The following PRKN variants were observed in gnomAD, a reference collection of about 807,000 sequenced individuals.
PRKN encodes the protein parkin RBR E3 ubiquitin protein ligase.
A neutral mutation model predicts 59.5 loss-of-function variants in PRKN; 56 were observed. That is an observed-to-expected ratio of 0.94 (90% CI 0.76 to 1.18). The LOEUF (loss-of-function observed/expected upper bound fraction) is 1.18, where lower values mean the gene tolerates loss of function less well. PRKN is among the 50% of genes most tolerant of loss of function. The pLI is 0.00. For synonymous variants in PRKN, 250 were observed against 222.1 expected, an observed-to-expected ratio of 1.13 and a Z score of -1.12; for missense variants, 657 against 596.4, an observed-to-expected ratio of 1.10 and a Z score of -1.06.
chr6:162,420,224 G>A lies in PRKN; in HGVS notation c.171+23086C>T, dbSNP rs117763490. On this transcript the variant is annotated intron_variant, in intron 2 of 11. Coordinates refer to ENST00000366898, the MANE Select transcript of PRKN (RefSeq NM_004562.3). ...CAGGCATTAGATTCTCATAAGGAGCGTGCAACCTAGATTCTTCACATGTAC... is the reference window on the plus strand; with the variant it reads ...CAGGCATTAGATTCTCATAAGGAGCATGCAACCTAGATTCTTCACATGTAC... Among the ~76,000 whole-genome samples, 1,411 of 147,564 alleles carry A rather than the reference G, an allele frequency of 9.6e-3. 15 individuals carry two copies. The highest frequency in any genetic ancestry group is 0.021 in the South Asian group (95 of 4,440).
chr6:162,087,592 T>TTC (rs1554269118), intron 4 of PRKN, among the ~76,000 whole-genome samples: 3 of 141,972 alleles, frequency 2.1e-5, no homozygotes, highest in Non-Finnish European at 4.6e-5. Context: ...ATAATTTCTT[T>TTC]TTTTTTTTTT....
intron 7 of PRKN, among the ~76,000 whole-genome samples, chr6:161,745,509 C>T (rs951552895): frequency 6.6e-6 from 1 of 152,188 alleles, no homozygotes; most frequent in Non-Finnish European, 1.5e-5. Flanking sequence ...GCCACACCTG[C>T]GACCAGGGGC....
chr6:162,664,343 G>C lies in PRKN; in HGVS notation c.7+63319C>G, dbSNP rs140425305. The stretch of plus-strand genomic sequence containing the variant: ...TGTCTTTGCTATTGTGAACAGTGCC[G>C]CAATAAACATACGTGTACATATGTC... On this transcript the variant is annotated intron_variant, in intron 1 of 11. Transcript: ENST00000366898. Among the ~76,000 whole-genome samples, 3 of 152,246 alleles carry C rather than the reference G, an allele frequency of 2.0e-5. No homozygotes were observed. In the East Asian group the frequency reaches 5.8e-4, roughly 29 times the overall value.
At chr6:161,884,461 C>G (rs1332094511) in intron 6 of PRKN, among the ~76,000 whole-genome samples, 1 of 152,176 alleles carries the variant, frequency 6.6e-6, no homozygotes, top group Non-Finnish European at 1.5e-5. Flanking sequence ...AAATCCAACT[C>G]TTATGTATTT....
rs1786614769 is a variant in PRKN, at chr6:161,393,644, T to C, written c.1084-6767A>G. On this transcript the variant is annotated intron_variant, in intron 9 of 11. Coordinates refer to ENST00000366898, the MANE Select transcript of PRKN (RefSeq NM_004562.3). The surrounding 1 kb of genome is among the most constrained non-coding windows in gnomAD (Gnocchi z 4.7). ...CATGAAAAGGAAGCAAATGAACAGC[T>C]TCTAATGCAATCGGAATATTCCAGT... Among the ~76,000 whole-genome samples the C allele has an allele frequency of 6.6e-6, 1 of 152,146 alleles. No individual in the cohort carries two copies. The highest frequency in any genetic ancestry group is 1.5e-5 in the Non-Finnish European group (1 of 68,022).
intron 2 of PRKN, among the ~76,000 whole-genome samples, chr6:162,372,564 G>A (rs1785825114): frequency 6.6e-6 from 1 of 152,056 alleles, no homozygotes; most frequent in Admixed American, 6.6e-5. Context: ...ACTAGAGAGG[G>A]GAGTGAGGGA....
At chr6:161,680,285 G>A (rs1466809577) in intron 7 of PRKN, among the ~76,000 whole-genome samples, 1 of 152,136 alleles carries the variant, frequency 6.6e-6, no homozygotes, top group Non-Finnish European at 1.5e-5. Flanking sequence ...TAAATCTGCA[G>A]AACAATTCTA....
intron 2 of PRKN, among the ~76,000 whole-genome samples, chr6:162,409,640 G>A (rs556471416): frequency 6.6e-6 from 1 of 152,224 alleles, no homozygotes; most frequent in East Asian, 1.9e-4. Flanking sequence ...ATTTTATCAA[G>A]CATATAATTT....
At chr6:162,289,654 T>G (rs1305393739) in intron 2 of PRKN, among the ~76,000 whole-genome samples, 2 of 150,088 alleles carry the variant, frequency 1.3e-5, no homozygotes, top group Non-Finnish European at 3.0e-5. Flanking sequence ...CCGAGATAAC[T>G]CTAGCCTCAG....
At chr6:162,419,401 C>A (rs771082926) in intron 2 of PRKN, among the ~76,000 whole-genome samples, 1 of 152,106 alleles carries the variant, frequency 6.6e-6, no homozygotes, top group Non-Finnish European at 1.5e-5. Flanking sequence ...CTTAAGAAGA[C>A]GTTTACATGC....
chr6:161,659,995 A>T (rs2128165096), intron 7 of PRKN, among the ~76,000 whole-genome samples: 1 of 152,304 alleles, frequency 6.6e-6, no homozygotes, highest in South Asian at 2.1e-4. Context: ...TGCTGCAACA[A>T]TTAAATGAGA....
At position 161,461,762 on chromosome 6, in the gene PRKN, T is replaced by C. The variant is rs1255255227; in HGVS notation, c.1084-74885A>G. 1.3e-5 allele frequency among the ~76,000 whole-genome samples: 2 copies of C among 152,132 alleles called. No homozygotes were observed. Among genetic ancestry groups the C allele is most frequent in the Non-Finnish European group, 2.9e-5 (2 of 68,028 alleles). ...ATTGACATTTTACATTTGAAATGCT[T>C]ATGAAAATTCCAAATGGAGGTATCC... On this transcript the variant is annotated intron_variant, in intron 9 of 11. Transcript: ENST00000366898. This position sits in a 1 kb window ranked among gnomAD's most constrained non-coding sequence, Gnocchi z 5.1.
chr6:162,252,713 C>T (rs1779485759), intron 3 of PRKN, among the ~76,000 whole-genome samples: 1 of 152,228 alleles, frequency 6.6e-6, no homozygotes, highest in South Asian at 2.1e-4. Flanking sequence ...GTGCCTTGTT[C>T]TTTCACTTCC....
chr6:161,489,401 A>T (rs960010747), intron 9 of PRKN, among the ~76,000 whole-genome samples: 1 of 152,070 alleles, frequency 6.6e-6, no homozygotes, highest in Non-Finnish European at 1.5e-5. Context: ...CTCTACTAAA[A>T]ATACAAAAAT....
At chr6:162,501,428 G>C (rs1221048210) in intron 1 of PRKN, among the ~76,000 whole-genome samples, 1 of 149,990 alleles carries the variant, frequency 6.7e-6, no homozygotes, top group Non-Finnish European at 1.5e-5. Flanking sequence ...GCTCACTGCA[G>C]CCTCCACCTC....
chr6:161,542,772 T>A (rs1280266866), intron 9 of PRKN, among the ~76,000 whole-genome samples: 1 of 152,134 alleles, frequency 6.6e-6, no homozygotes, highest in East Asian at 1.9e-4. Flanking sequence ...GAGGCAAACT[T>A]ACATGGGGAC....
chr6:162,639,568 C>A (rs1777881778), intron 1 of PRKN, among the ~76,000 whole-genome samples: 1 of 152,248 alleles, frequency 6.6e-6, no homozygotes, highest in African/African-American at 2.4e-5. Flanking sequence ...ATCTGTATCT[C>A]TACTAGACAA....
At chr6:162,184,777 G>T (rs1002469159) in intron 4 of PRKN, among the ~76,000 whole-genome samples, 3 of 152,132 alleles carry the variant, frequency 2.0e-5, no homozygotes, top group South Asian at 4.1e-4. Context: ...CATTTCACAC[G>T]TGCTTTAAAG....
intron 3 of PRKN, among the ~76,000 whole-genome samples, chr6:162,231,426 T>C (rs1778414516): frequency 1.3e-5 from 2 of 152,158 alleles, no homozygotes; most frequent in Admixed American, 6.5e-5. Flanking sequence ...TAAGAAGTCA[T>C]TGGGAAAAAA....
Sources: allele counts gnomAD v4.1 joint callset (sites outside exome capture counted in the v4.1 genomes callset), GRCh38; gene constraint gnomAD v4.1.1; non-coding constraint Gnocchi (gnomAD v3.1); transcripts MANE v1.5; gene names NCBI Gene and HGNC (gene_info 2026-07-23, HGNC 2026-07-21).